The following DCDC1 variants were observed in gnomAD, a reference collection of about 807,000 sequenced individuals.
DCDC1 encodes the protein doublecortin domain containing 1.
In DCDC1, 200 loss-of-function variants were observed where a neutral mutation model predicts 178.3. That is an observed-to-expected ratio of 1.12 (90% CI 1.00 to 1.26). The LOEUF (loss-of-function observed/expected upper bound fraction) is 1.26, where lower values mean the gene tolerates loss of function less well. Among genes scored for constraint, DCDC1 ranks in the 50% most tolerant of loss-of-function variants. DCDC1 has a pLI of 0.00. For missense variants in DCDC1, 1,983 were observed against 1,749.2 expected, an observed-to-expected ratio of 1.13 and a Z score of -2.38; for synonymous variants, 690 against 604.8, an observed-to-expected ratio of 1.14 and a Z score of -2.07.
intron 20 of DCDC1, among the ~76,000 whole-genome samples, chr11:31,031,415 C>T (rs547823990): frequency 1.3e-5 from 2 of 152,148 alleles, no homozygotes; most frequent in South Asian, 2.1e-4. Context: ...TAAGAATTAA[C>T]ACAGTCTAAT....
intron 11 of DCDC1, among the ~76,000 whole-genome samples, 184 bp downstream of exon 11, chr11:31,127,285 T>C (rs1368481226): frequency 1.3e-5 from 2 of 152,196 alleles, no homozygotes; most frequent in African/African-American, 4.8e-5. Flanking sequence ...TTCAAAGATC[T>C]CTAGGTATTT....
chr11:31,114,079 C>T (rs1959465661), intron 11 of DCDC1, among the ~76,000 whole-genome samples: 1 of 152,126 alleles, frequency 6.6e-6, no homozygotes, highest in South Asian at 2.1e-4. Context: ...CCTGGAAGCT[C>T]TTTCCATACC....
intron 11 of DCDC1, among the ~76,000 whole-genome samples, chr11:31,118,733 G>A (rs1350540346): frequency 2.0e-5 from 3 of 152,212 alleles, no homozygotes; most frequent in Non-Finnish European, 4.4e-5. Context: ...CAGTAATACA[G>A]CTCTGGCCTG....
At chr11:31,159,061 C>A (rs1479140073) in intron 9 of DCDC1, among the ~76,000 whole-genome samples, 4 of 151,720 alleles carry the variant, frequency 2.6e-5, no homozygotes, top group Non-Finnish European at 4.4e-5. Context: ...AAAAATAATA[C>A]CTGCTTTGAG....
intron 20 of DCDC1, among the ~76,000 whole-genome samples, chr11:30,978,790 ACACACACACACACACACACAC>A (rs1950234086): frequency 2.1e-5 from 1 of 46,986 alleles, no homozygotes; most frequent in South Asian, 8.1e-4. Context: ...ACACACACAC[ACACACACACACACACACACAC>A]ACACACACAC....
intron 8 of DCDC1, among the ~76,000 whole-genome samples, chr11:31,248,235 A>T (rs1201615972): frequency 6.6e-6 from 1 of 152,082 alleles, no homozygotes; most frequent in African/African-American, 2.4e-5. Context: ...TTGTATTTAT[A>T]TTACTATCCC....
intron 9 of DCDC1, among the ~76,000 whole-genome samples, chr11:31,171,191 C>G (rs1967185590): frequency 6.6e-6 from 1 of 152,118 alleles, no homozygotes; most frequent in Non-Finnish European, 1.5e-5. Context: ...TCTATCAGAA[C>G]AGACCACAGG....
intron 11 of DCDC1, among the ~76,000 whole-genome samples, chr11:31,112,048 C>T (rs752561369): frequency 9.9e-5 from 15 of 151,920 alleles, no homozygotes; most frequent in Non-Finnish European, 1.6e-4. Flanking sequence ...CTCTGCAAAT[C>T]CTACAAGGGC....
intron 34 of DCDC1, among the ~76,000 whole-genome samples, chr11:30,898,065 C>T (rs781195418): frequency 3.9e-5 from 6 of 152,150 alleles, no homozygotes; most frequent in Non-Finnish European, 7.4e-5. Context: ...GTTAAGAAAG[C>T]GCATGGTATG....
chr11:30,932,089 C>A (rs1199405833), intron 21 of DCDC1, 137 bp from the exon 22 acceptor site: 31 of 678,614 alleles, frequency 4.6e-5, no homozygotes, highest in Non-Finnish European at 6.4e-5. Context: ...ACCTAAGATG[C>A]TCCAGACAAT....
intron 20 of DCDC1, among the ~76,000 whole-genome samples, chr11:31,005,729 T>C (rs1004277964): frequency 6.6e-6 from 1 of 152,094 alleles, no homozygotes; most frequent in Non-Finnish European, 1.5e-5. Context: ...GCCTTCACCA[T>C]CAGCCAATGA....
At chr11:31,115,978 CAGT>C (rs1293041561) in intron 11 of DCDC1, among the ~76,000 whole-genome samples, 1 of 13,902 alleles carries the variant, frequency 7.2e-5, no homozygotes, top group African/African-American at 2.7e-4. Flanking sequence ...ATAGCTGTGG[CAGT>C]GGGGGGGGGG....
At chr11:31,088,761 G>A (rs1957623487) in intron 17 of DCDC1, among the ~76,000 whole-genome samples, 1 of 152,134 alleles carries the variant, frequency 6.6e-6, no homozygotes, top group African/African-American at 2.4e-5. Flanking sequence ...CTGTCACTCA[G>A]GTTGGAGTGT....
intron 6 of DCDC1, among the ~76,000 whole-genome samples, chr11:31,297,570 C>T (rs2137490768): frequency 6.6e-6 from 1 of 152,224 alleles, no homozygotes; most frequent in East Asian, 1.9e-4. Context: ...TGGTCTCAAA[C>T]TCCTGACCTT....
intron 8 of DCDC1, among the ~76,000 whole-genome samples, chr11:31,257,650 T>C (rs559553325): frequency 1.3e-4 from 19 of 149,480 alleles, no homozygotes; most frequent in Non-Finnish European, 2.4e-4. Context: ...CCTAGAAAAA[T>C]GGTACGCATC....
intron 3 of DCDC1, among the ~76,000 whole-genome samples, chr11:31,325,175 A>G (rs2137824431): frequency 6.6e-6 from 1 of 152,248 alleles, no homozygotes; most frequent in East Asian, 1.9e-4. Flanking sequence ...ATGCAATTGT[A>G]ATTTGGAGAT....
At chr11:30,928,123 T>C (rs1437360671) in intron 22 of DCDC1, among the ~76,000 whole-genome samples, 2 of 152,148 alleles carry the variant, frequency 1.3e-5, no homozygotes, top group Non-Finnish European at 2.9e-5. Flanking sequence ...CCCTTGGAAA[T>C]GAGTGAATTC....
intron 20 of DCDC1, among the ~76,000 whole-genome samples, chr11:31,025,243 C>A (rs1953143536): frequency 6.6e-6 from 1 of 151,590 alleles, no homozygotes. Flanking sequence ...CTATTATAAC[C>A]TTTCCCAAAA....
At chr11:31,250,415 C>CACACACACACACATATAT (rs1223526182) in intron 8 of DCDC1, among the ~76,000 whole-genome samples, 1 of 73,668 alleles carries the variant, frequency 1.4e-5, no homozygotes, top group Non-Finnish European at 2.8e-5. Flanking sequence ...CACACACACA[C>CACACACACACACATATAT]ATATACATAT....
Sources: gnomAD v4.1 joint callset for allele counts (sites outside exome capture counted in the v4.1 genomes callset) on GRCh38, gnomAD v4.1.1 for gene constraint, MANE v1.5 for transcripts, NCBI Gene and HGNC (gene_info 2026-07-23, HGNC 2026-07-21) for gene names.